The following KIRREL3 variants were observed in gnomAD, a reference collection of about 807,000 sequenced individuals.
KIRREL3 encodes the protein kin of IRRE-like protein 3.
Under a neutral mutation model 89.7 loss-of-function variants are expected in KIRREL3, and 36 were observed. That is an observed-to-expected ratio of 0.40 (90% CI 0.31 to 0.53). KIRREL3 has a LOEUF of 0.53. Ranked by LOEUF, KIRREL3 falls within the 20% of genes least tolerant of loss-of-function variation. The probability of loss-of-function intolerance (pLI) is 0.49; values close to 1 mark genes in which losing one functional copy is unlikely to be tolerated. For missense variants in KIRREL3, 864 were observed against 1,056.6 expected, an observed-to-expected ratio of 0.82 and a Z score of 2.53; for synonymous variants, 445 against 441.4, an observed-to-expected ratio of 1.01 and a Z score of -0.10.
Position 126,454,456 on chromosome 11 carries a change from T to C in KIRREL3, c.848+1893A>G, listed in dbSNP as rs1455830012. Among the ~76,000 whole-genome samples the C allele has an allele frequency of 2.6e-5, 4 of 152,118 alleles. No individual in the cohort carries two copies. In the South Asian group the frequency reaches 8.3e-4, roughly 32 times the overall value. On this transcript the variant is annotated intron_variant, in intron 7 of 16. Transcript: ENST00000525144. This position sits in a 1 kb window ranked among gnomAD's most constrained non-coding sequence, Gnocchi z 5.8. ...GCCCAACAGGCATTCTAAGGGTGGC[T>C]GTGAGGGTGAATAGGGGTGCTTGCC...
chr11:126,997,308 A>G lies in KIRREL3; in HGVS notation c.55+3147T>C, dbSNP rs1950204392. ...AGCAGGAGGCAAATTGTGCTGTGAC[A>G]TTATCCCTCTCTGAACAAAGCATGA... On this transcript the variant is annotated intron_variant, in intron 1 of 16. Transcript: ENST00000525144. This position sits in a 1 kb window ranked among gnomAD's most constrained non-coding sequence, Gnocchi z 4.3. Among the ~76,000 whole-genome samples the G allele has an allele frequency of 6.6e-6, 1 of 152,200 alleles. No individual in the cohort carries two copies. Among genetic ancestry groups the G allele is most frequent in the African/African-American group, 2.4e-5 (1 of 41,456 alleles).
chr11:126,856,764 C>T lies in KIRREL3; in HGVS notation c.55+143691G>A, dbSNP rs575803395. Among the ~76,000 whole-genome samples the T allele has an allele frequency of 9.3e-4, 141 of 151,844 alleles. 2 individuals carry two copies. The highest frequency in any genetic ancestry group is 3.0e-3 in the African/African-American group (125 of 41,438). Reference sequence around the variant, plus strand: ...CTGAGTAGCTGGGACTACAGGCGCCCGCCACCATGCGCGGCTAATTTTTTG... The same window carrying T: ...CTGAGTAGCTGGGACTACAGGCGCCTGCCACCATGCGCGGCTAATTTTTTG... On this transcript the variant is annotated intron_variant, in intron 1 of 16. Transcript: ENST00000525144.
intron 1 of KIRREL3, among the ~76,000 whole-genome samples, chr11:126,732,966 G>A (rs899676839): frequency 5.9e-5 from 9 of 152,228 alleles, no homozygotes; most frequent in African/African-American, 2.2e-4. Context: ...AAAGACTTTG[G>A]TGAAATGCAA....
intron 11 of KIRREL3, 31 bp downstream of exon 11, chr11:126,440,418 G>C (rs919487667): frequency 6.5e-7 from 1 of 1,544,854 alleles, no homozygotes; most frequent in South Asian, 1.2e-5. Flanking sequence ...CTGCTGGCCC[G>C]GCCCCCGCCC....
chr11:126,581,163 A>G (rs963675785), intron 1 of KIRREL3, among the ~76,000 whole-genome samples: 1 of 151,974 alleles, frequency 6.6e-6, no homozygotes, highest in African/African-American at 2.4e-5. Flanking sequence ...TTCAAATATA[A>G]TTTTGCTATA....
intron 1 of KIRREL3, among the ~76,000 whole-genome samples, chr11:126,690,221 G>GT (rs1300613661): frequency 6.6e-6 from 1 of 152,194 alleles, no homozygotes; most frequent in East Asian, 1.9e-4. Context: ...CTTAATTCAT[G>GT]TATGTGCTGA....
rs947632843 is a variant in KIRREL3, at chr11:126,495,582, G to A, written c.434-22116C>T. Among the ~76,000 whole-genome samples the A allele has an allele frequency of 3.3e-5, 5 of 152,126 alleles. No individual in the cohort carries two copies. The highest frequency in any genetic ancestry group is 1.9e-4 in the East Asian group (1 of 5,190). On this transcript the variant is annotated intron_variant, in intron 4 of 16. Coordinates refer to ENST00000525144, the MANE Select transcript of KIRREL3 (RefSeq NM_032531.4). This position sits in a 1 kb window ranked among gnomAD's most constrained non-coding sequence, Gnocchi z 6.5. ...CTGGCCTTCCTCCTCCGGGTCTAGC[G>A]CCACCCCAGCAGCAGATGCCTCAGG...
intron 1 of KIRREL3, among the ~76,000 whole-genome samples, chr11:126,577,099 C>T (rs1941293917): frequency 6.6e-6 from 1 of 152,164 alleles, no homozygotes; most frequent in South Asian, 2.1e-4. Context: ...AATAGAATGT[C>T]ACAGAGCTCT....
At chr11:126,865,823 A>G (rs1009481044) in intron 1 of KIRREL3, among the ~76,000 whole-genome samples, 3 of 152,232 alleles carry the variant, frequency 2.0e-5, no homozygotes, top group African/African-American at 7.2e-5. Flanking sequence ...AGTGAGAGCT[A>G]GAGAAAAATA....
At chr11:126,559,392 G>C (rs745848218) in intron 2 of KIRREL3, among the ~76,000 whole-genome samples, 1 of 152,214 alleles carries the variant, frequency 6.6e-6, no homozygotes, top group Non-Finnish European at 1.5e-5. Context: ...CTGGGCGAAG[G>C]CCCAGGGAGA....
intron 1 of KIRREL3, among the ~76,000 whole-genome samples, chr11:126,658,237 T>A (rs1370069963): frequency 1.3e-5 from 2 of 152,208 alleles, no homozygotes; most frequent in African/African-American, 2.4e-5. Context: ...TCTACATCAT[T>A]TTTGCATGTC....
intron 1 of KIRREL3, among the ~76,000 whole-genome samples, chr11:126,874,542 T>C (rs1945208121): frequency 6.6e-6 from 1 of 152,256 alleles, no homozygotes; most frequent in Non-Finnish European, 1.5e-5. Flanking sequence ...ATTTGCATTC[T>C]GCTCCATTTG....
At position 126,579,616 on chromosome 11, in the gene KIRREL3, C is replaced by A. The variant is rs1941434543; in HGVS notation, c.56-16704G>T. ...AAAACAGGGCAGGGTACAAAGGAGG[C>A]AAATGCACCACCTGTGGCCCTAGAG... On this transcript the variant is annotated intron_variant, in intron 1 of 16. Transcript: ENST00000525144. This position sits in a 1 kb window ranked among gnomAD's most constrained non-coding sequence, Gnocchi z 5.3. 1.8e-5 allele frequency among the ~76,000 whole-genome samples: 2 copies of A among 108,456 alleles called. No homozygotes were observed. Among genetic ancestry groups the A allele is most frequent in the South Asian group, 3.9e-4 (1 of 2,554 alleles). The allele number at this position is 108,456 out of a possible 152,430, so 71.2% of individuals were successfully genotyped here.
rs1938878349 is a variant in KIRREL3 at position 126,547,243 on chromosome 11, T to C, written c.133+15592A>G. Among the ~76,000 whole-genome samples, 3 of 152,310 alleles carry C rather than the reference T, an allele frequency of 2.0e-5. No individual in the cohort carries two copies. The South Asian group carries it at 6.2e-4, about 32-fold the overall frequency. ...TGACACATGCTGCAGGAAAAATGTTTTGTGGTCAAATGAGTTTGGGAACTC... is the reference window on the plus strand; with the variant it reads ...TGACACATGCTGCAGGAAAAATGTTCTGTGGTCAAATGAGTTTGGGAACTC... On this transcript the variant is annotated intron_variant, in intron 2 of 16. Coordinates refer to ENST00000525144, the MANE Select transcript of KIRREL3 (RefSeq NM_032531.4).
chr11:126,670,932 T>C (rs958044070), intron 1 of KIRREL3, among the ~76,000 whole-genome samples: 10 of 152,102 alleles, frequency 6.6e-5, no homozygotes, highest in African/African-American at 2.4e-4. Context: ...CTTACTATAA[T>C]ATAAAGCCAC....
At chr11:126,984,839 G>A (rs1003550602) in intron 1 of KIRREL3, among the ~76,000 whole-genome samples, 35 of 152,192 alleles carry the variant, frequency 2.3e-4, no homozygotes, top group African/African-American at 8.0e-4. Context: ...CTCTTCGGGG[G>A]CAGGAACCCA....
Position 126,768,278 on chromosome 11 carries a change from TCATC to T in KIRREL3, c.56-205370_56-205367del, listed in dbSNP as rs755322463. Among the ~76,000 whole-genome samples the T allele has an allele frequency of 2.4e-4, 32 of 135,766 alleles. 1 individual carries two copies. In the South Asian group the frequency reaches 7.4e-3, roughly 32 times the overall value. 89.1% of individuals were successfully genotyped at this position (135,766 alleles called of 152,430 possible). On this transcript the variant is annotated intron_variant, in intron 1 of 16. Transcript: ENST00000525144. The surrounding 1 kb of genome is among the most constrained non-coding windows in gnomAD (Gnocchi z 4.5). ...TGCATCCACCCATCCATCCATCCAT[TCATC>T]CATCCATCCATCCATCCATCCAATC...
chr11:126,784,213 G>T (rs950019669), intron 1 of KIRREL3, among the ~76,000 whole-genome samples: 1 of 152,172 alleles, frequency 6.6e-6, no homozygotes, highest in Non-Finnish European at 1.5e-5. Flanking sequence ...AAATGTAAAC[G>T]AAGTATGGAC....
Position 126,863,517 on chromosome 11 carries a change from TTGAGTGCGTGTG to T in KIRREL3, c.55+136926_55+136937del, listed in dbSNP as rs1257830074. Among the ~76,000 whole-genome samples the T allele has an allele frequency of 1.0e-3, 83 of 81,192 alleles. 1 individual carries two copies. The highest frequency in any genetic ancestry group is 3.6e-3 in the African/African-American group (71 of 19,998). The allele number at this position is 81,192 out of a possible 152,430, so 53.3% of individuals were successfully genotyped here. On this transcript the variant is annotated intron_variant, in intron 1 of 16. Coordinates refer to ENST00000525144, the MANE Select transcript of KIRREL3 (RefSeq NM_032531.4). ...TGTGTGAGTGTGAGTGCGTGTGTGTTTGAGTGCGTGTGTGAGTGCGTGTGAGTGTGTGAGTGC... is the reference window on the plus strand; with the variant it reads ...TGTGTGAGTGTGAGTGCGTGTGTGTTTGAGTGCGTGTGAGTGTGTGAGTGC...
Sources: allele counts gnomAD v4.1 joint callset (sites outside exome capture counted in the v4.1 genomes callset), GRCh38; gene constraint gnomAD v4.1.1; non-coding constraint Gnocchi (gnomAD v3.1); transcripts MANE v1.5; gene names NCBI Gene and HGNC (gene_info 2026-07-23, HGNC 2026-07-21).